COBL: variants seen among roughly 807,000 people sequenced by gnomAD.
COBL encodes the protein cordon-bleu WH2 repeat protein.
A neutral mutation model predicts 98.8 loss-of-function variants in COBL; 51 were observed. The ratio of observed to expected loss-of-function variants is 0.52; its 90% confidence interval spans 0.41 to 0.65. The LOEUF (loss-of-function observed/expected upper bound fraction) is 0.65. Among genes scored for constraint, COBL ranks in the 30% least tolerant of loss-of-function variants. The pLI is 0.00. For synonymous variants in COBL, 634 were observed against 651.7 expected (o/e 0.97, Z 0.41); for missense variants, 1,617 against 1,617.5 (o/e 1.00, Z 0.01).
intron 2 of COBL, among the ~76,000 whole-genome samples, chr7:51,214,663 G>T (rs961527547): frequency 2.3e-4 from 35 of 152,224 alleles, no homozygotes; most frequent in African/African-American, 8.2e-4. Context: ...ATGTACCCTG[G>T]GGGCCCCTGA....
rs1790062794 is a variant in COBL at position 51,191,013 on chromosome 7, C to G, written c.522G>C (p.Glu174Asp). 1.9e-6 allele frequency: 3 copies of G among 1,614,192 alleles called. No homozygotes were observed. The highest frequency in any genetic ancestry group is 2.5e-6 in the Non-Finnish European group (3 of 1,180,038). ...CTGGGAGAATATTCTGGAGAGGAAC[C>G]TCAGGGCTCACACGCACAACAGCTT... Reference protein sequence around the residue: ...TQKAVVRVSPEVPLQNILPVI... With the variant: ...TQKAVVRVSPDVPLQNILPVI... Residue 174 changes from glutamate (E) to aspartate (D), a missense_variant, in exon 4 of 13, where the codon GAG (glutamate) becomes GAC (aspartate). By Grantham distance (45) the Glu-to-Asp change is conservative (BLOSUM62 2). Around this residue, in one of 3 missense-constraint regions of COBL, gnomAD observed 75 missense variants for 120.5 expected, o/e 0.62. Coordinates refer to ENST00000265136, the MANE Select transcript of COBL (RefSeq NM_015198.5).
At chr7:51,199,457 C>A (rs559275939) in intron 2 of COBL, among the ~76,000 whole-genome samples, 97 of 152,224 alleles carry the variant, frequency 6.4e-4, no homozygotes, top group African/African-American at 2.3e-3. Flanking sequence ...ACTAACAAAA[C>A]CCCAGTAACC....
chr7:51,204,900 A>G (rs754132087), intron 2 of COBL, among the ~76,000 whole-genome samples: 2 of 152,212 alleles, frequency 1.3e-5, no homozygotes, highest in Admixed American at 1.3e-4. Context: ...GGAAATTAAG[A>G]AAGTAGGAAA....
intron 1 of COBL, among the ~76,000 whole-genome samples, chr7:51,290,818 T>C (rs575472653): frequency 6.6e-6 from 1 of 152,272 alleles, no homozygotes; most frequent in African/African-American, 2.4e-5. Flanking sequence ...GTGAACACCT[T>C]GACCTCAGGT....
chr7:51,220,103 A>G (rs1015980244), intron 1 of COBL, among the ~76,000 whole-genome samples, 159 bp from the exon 2 acceptor site: 7 of 152,210 alleles, frequency 4.6e-5, no homozygotes, highest in African/African-American at 1.7e-4. Context: ...AAAAACTAAT[A>G]AAGTAAACAA....
chr7:51,073,475 G>A (rs1792765500), intron 7 of COBL: 1 of 565,588 alleles, frequency 1.8e-6, no homozygotes, highest in Non-Finnish European at 3.3e-6. Flanking sequence ...AGCCCCTGGA[G>A]ATTTAACACT....
chr7:51,153,191 C>T (rs1197018241), intron 5 of COBL, among the ~76,000 whole-genome samples: 1 of 152,232 alleles, frequency 6.6e-6, no homozygotes, highest in Admixed American at 6.5e-5. Flanking sequence ...AAAAAAGATA[C>T]TTTTTTATTA....
At chr7:51,178,479 TTTTCTC>T (rs1401739012) in intron 5 of COBL, among the ~76,000 whole-genome samples, 1 of 152,192 alleles carries the variant, frequency 6.6e-6, no homozygotes, top group Admixed American at 6.5e-5. Flanking sequence ...CAAAACTTGT[TTTTCTC>T]TTTTGAACAG....
intron 2 of COBL, among the ~76,000 whole-genome samples, chr7:51,201,885 G>A (rs928356677): frequency 1.3e-5 from 2 of 152,130 alleles, no homozygotes; most frequent in Admixed American, 1.3e-4. Context: ...GATATTAAAT[G>A]GAAAATTTCA....
intron 6 of COBL, among the ~76,000 whole-genome samples, chr7:51,131,280 G>A (rs2129001219): frequency 6.6e-6 from 1 of 152,228 alleles, no homozygotes; most frequent in African/African-American, 2.4e-5. Flanking sequence ...AATAAAAATG[G>A]ATTTATAGTT....
chr7:51,051,120 G>T (rs1790192230), intron 7 of COBL, among the ~76,000 whole-genome samples: 1 of 152,088 alleles, frequency 6.6e-6, no homozygotes, highest in South Asian at 2.1e-4. Context: ...CCATTTACTT[G>T]TTATCCTTGA....
intron 1 of COBL, among the ~76,000 whole-genome samples, chr7:51,223,300 A>T (rs989533941): frequency 2.6e-5 from 4 of 152,272 alleles, no homozygotes; most frequent in African/African-American, 7.2e-5. Context: ...CATTAAAGTT[A>T]GCCAACATTT....
chr7:51,036,610 C>T (rs1456619783), intron 8 of COBL, among the ~76,000 whole-genome samples: 1 of 152,096 alleles, frequency 6.6e-6, no homozygotes, highest in East Asian at 1.9e-4. Context: ...CTGCAGGTAA[C>T]AGCACAGCTC....
At chr7:51,200,385 A>C (rs1791007744) in intron 2 of COBL, among the ~76,000 whole-genome samples, 1 of 152,256 alleles carries the variant, frequency 6.6e-6, no homozygotes, top group African/African-American at 2.4e-5. Context: ...AAACACTAGT[A>C]TACAAATTAG....
chr7:51,076,026 T>C (rs1321166128), intron 7 of COBL, among the ~76,000 whole-genome samples: 2 of 152,146 alleles, frequency 1.3e-5, no homozygotes, highest in African/African-American at 4.8e-5. Context: ...CTGGATGCCA[T>C]GCCTGCCCCG....
chr7:51,204,933 T>C (rs1388302061), intron 2 of COBL, among the ~76,000 whole-genome samples: 11 of 152,134 alleles, frequency 7.2e-5, no homozygotes, highest in Non-Finnish European at 1.6e-4. Flanking sequence ...AATAATAAAA[T>C]ACTTAGAAAT....
chr7:51,141,611 C>T (rs1799754764), intron 5 of COBL, among the ~76,000 whole-genome samples: 1 of 152,078 alleles, frequency 6.6e-6, no homozygotes, highest in East Asian at 1.9e-4. Context: ...ACGATGCTGC[C>T]CCCTTTTGAA....
intron 4 of COBL, among the ~76,000 whole-genome samples, chr7:51,187,454 G>A (rs1410760129): frequency 3.3e-5 from 5 of 151,892 alleles, no homozygotes; most frequent in Middle Eastern, 3.4e-3. Flanking sequence ...TGCAAAATCT[G>A]GACTAATCAT....
At chr7:51,017,590 A>G (rs2128853372) in intron 12 of COBL, 22 bp from the exon 13 acceptor site, 2 of 1,613,708 alleles carry the variant, frequency 1.2e-6, no homozygotes, top group East Asian at 4.5e-5. Context: ...AGAGATTCAC[A>G]GTTATTTGGT....
Sources: allele counts gnomAD v4.1 joint callset (sites outside exome capture counted in the v4.1 genomes callset), GRCh38; gene constraint gnomAD v4.1.1; regional missense constraint gnomAD v4.1.1; transcripts MANE v1.5; gene names NCBI Gene and HGNC (gene_info 2026-07-23, HGNC 2026-07-21).